STK32B: variants seen among roughly 807,000 people sequenced by gnomAD.
STK32B encodes serine/threonine kinase 32B, also known as serine/threonine-protein kinase 32B.
In STK32B, 43 loss-of-function variants were observed where a neutral mutation model predicts 52.6. The observed-to-expected ratio is 0.82, with a 90% CI of 0.64 to 1.05. STK32B has a LOEUF of 1.05. Ranked by LOEUF, STK32B falls within the 50% of genes least tolerant of loss-of-function variation. STK32B has a pLI of 0.00. For missense variants in STK32B, 621 were observed against 534.6 expected, an observed-to-expected ratio of 1.16 and a Z score of -1.59; for synonymous variants, 238 against 204.3, an observed-to-expected ratio of 1.17 and a Z score of -1.41.
chr4:5,434,462 A>G (rs1057363369), intron 6 of STK32B, among the ~76,000 whole-genome samples: 2 of 150,682 alleles, frequency 1.3e-5, no homozygotes, highest in African/African-American at 4.9e-5. Flanking sequence ...GTGTATATAT[A>G]TATATATATA....
intron 6 of STK32B, among the ~76,000 whole-genome samples, chr4:5,420,571 T>C (rs1243229595): frequency 6.6e-6 from 1 of 152,062 alleles, no homozygotes; most frequent in African/African-American, 2.4e-5. Flanking sequence ...AGACTGGACA[T>C]GTGGATGGAG....
chr4:5,441,828 A>G, intron 6 of STK32B, among the ~76,000 whole-genome samples: 1 of 135,594 alleles, frequency 7.4e-6, no homozygotes, highest in African/African-American at 2.8e-5. Flanking sequence ...GGTTTCAAAG[A>G]ACATCTTTAT....
chr4:5,287,165 G>C (rs1254787256), intron 3 of STK32B, among the ~76,000 whole-genome samples: 1 of 152,138 alleles, frequency 6.6e-6, no homozygotes, highest in East Asian at 1.9e-4. Context: ...TATATGTTCA[G>C]CTTTAGTAGA....
chr4:5,426,132 T>C (rs1713069800), intron 6 of STK32B, among the ~76,000 whole-genome samples: 1 of 152,196 alleles, frequency 6.6e-6, no homozygotes, highest in Non-Finnish European at 1.5e-5. Flanking sequence ...GTGAGATTGC[T>C]GGATCATTTG....
At chr4:5,372,930 TGAG>T (rs1735348452) in intron 4 of STK32B, among the ~76,000 whole-genome samples, 1 of 152,184 alleles carries the variant, frequency 6.6e-6, no homozygotes, top group Non-Finnish European at 1.5e-5. Context: ...ATGACCCAAA[TGAG>T]GAATCCTCAT....
chr4:5,274,818 G>C (rs965150127), intron 3 of STK32B, among the ~76,000 whole-genome samples: 1 of 152,032 alleles, frequency 6.6e-6, no homozygotes, highest in African/African-American at 2.4e-5. Context: ...TGTTTGCCGC[G>C]GTTGCAGACC....
rs1737039603 is a variant in STK32B at position 5,398,119 on chromosome 4, C to G, written c.435-88C>G. 6.7e-7 allele frequency: 1 copy of G among 1,486,092 alleles called. No individual in the cohort carries two copies. Among genetic ancestry groups the G allele is most frequent in the Non-Finnish European group, 9.2e-7 (1 of 1,082,038 alleles). The allele number at this position is 1,486,092 out of a possible 1,614,324, so 92.1% of individuals were successfully genotyped here. Reference sequence around the variant, plus strand: ...GGGAGAGGTGAGCAGCCTGGGTGTTCCAGCATTTGTCCTGATGTGGTGCTT... The same window carrying G: ...GGGAGAGGTGAGCAGCCTGGGTGTTGCAGCATTTGTCCTGATGTGGTGCTT... On this transcript the variant is annotated intron_variant, in intron 4 of 11. Transcript: ENST00000282908. This position sits in a 1 kb window ranked among gnomAD's most constrained non-coding sequence, Gnocchi z 4.9.
chr4:5,404,617 A>G (rs1008212746), intron 5 of STK32B, among the ~76,000 whole-genome samples: 2 of 152,174 alleles, frequency 1.3e-5, no homozygotes, highest in East Asian at 3.9e-4. Context: ...CAACATGGAT[A>G]TCCTCTTCCA....
intron 2 of STK32B, among the ~76,000 whole-genome samples, chr4:5,161,797 A>T (rs952035619): frequency 1.3e-5 from 2 of 152,168 alleles, no homozygotes; most frequent in Non-Finnish European, 2.9e-5. Context: ...CAGCTTGATC[A>T]TCTCTTTAGT....
chr4:5,201,639 T>C (rs943873091), intron 3 of STK32B, among the ~76,000 whole-genome samples: 4 of 152,188 alleles, frequency 2.6e-5, no homozygotes, highest in Non-Finnish European at 4.4e-5. Context: ...AGAAGTTTAA[T>C]TGACTCACAG....
intron 3 of STK32B, among the ~76,000 whole-genome samples, chr4:5,273,116 A>G (rs1727559825): frequency 7.0e-6 from 1 of 143,358 alleles, no homozygotes; most frequent in East Asian, 2.1e-4. Context: ...AATATCCAGA[A>G]TCTACAATGA....
At chr4:5,175,291 C>T (rs1446968009) in intron 3 of STK32B, among the ~76,000 whole-genome samples, 3 of 152,168 alleles carry the variant, frequency 2.0e-5, no homozygotes, top group Non-Finnish European at 4.4e-5. Flanking sequence ...CTGAAGCCTT[C>T]TTCTCTCAAC....
intron 1 of STK32B, among the ~76,000 whole-genome samples, chr4:5,133,307 T>C (rs1715888682): frequency 6.6e-6 from 1 of 152,222 alleles, no homozygotes. Context: ...AAATATTTTT[T>C]GAATGAGTGA....
At chr4:5,342,032 C>G (rs188117108) in intron 4 of STK32B, among the ~76,000 whole-genome samples, 68 of 152,038 alleles carry the variant, frequency 4.5e-4, no homozygotes, top group African/African-American at 1.6e-3. Context: ...TGTGTGATGG[C>G]AAAAGTCAGG....
intron 9 of STK32B, among the ~76,000 whole-genome samples, chr4:5,462,993 T>C (rs1717154715): frequency 6.6e-6 from 1 of 152,176 alleles, no homozygotes. Context: ...TTTGGGTCTC[T>C]TCTGCCGTCT....
At chr4:5,424,013 G>A (rs1215723520) in intron 6 of STK32B, among the ~76,000 whole-genome samples, 3 of 152,050 alleles carry the variant, frequency 2.0e-5, no homozygotes, top group African/African-American at 7.2e-5. Context: ...CACTCCCCCC[G>A]TAGGCTCAGG....
intron 4 of STK32B, among the ~76,000 whole-genome samples, chr4:5,385,659 T>C (rs1736199827): frequency 6.6e-6 from 1 of 152,080 alleles, no homozygotes; most frequent in African/African-American, 2.4e-5. Flanking sequence ...CCTTCTCCTC[T>C]GCAAAGATCT....
rs768694331 is a variant in STK32B at position 5,249,469 on chromosome 4, T to A, written c.260+81019T>A. 1.0e-3 allele frequency among the ~76,000 whole-genome samples: 144 copies of A among 138,256 alleles called. 1 individual carries two copies. Among genetic ancestry groups the A allele is most frequent in the African/African-American group, 3.9e-3 (126 of 32,398 alleles). The allele number at this position is 138,256 out of a possible 152,430, so 90.7% of individuals were successfully genotyped here. Reference sequence around the variant, plus strand: ...TTCCTTCCTTCCTTCCTTCCTTCCTTCCTTCCTTCCTTCCTTCCTTCCTTC... The same window carrying A: ...TTCCTTCCTTCCTTCCTTCCTTCCTACCTTCCTTCCTTCCTTCCTTCCTTC... On this transcript the variant is annotated intron_variant, in intron 3 of 11. Transcript: ENST00000282908.
At chr4:5,110,251 A>G (rs901224177) in intron 1 of STK32B, among the ~76,000 whole-genome samples, 2 of 137,330 alleles carry the variant, frequency 1.5e-5, no homozygotes, top group African/African-American at 5.4e-5. Context: ...AGAAAAAAAA[A>G]TCCTAAAATT....
Sources: allele counts gnomAD v4.1 joint callset (sites outside exome capture counted in the v4.1 genomes callset), GRCh38; gene constraint gnomAD v4.1.1; non-coding constraint Gnocchi (gnomAD v3.1); transcripts MANE v1.5; gene names NCBI Gene and HGNC (gene_info 2026-07-23, HGNC 2026-07-21).